FHIT: variants seen among roughly 807,000 people sequenced by gnomAD.
FHIT encodes fragile histidine triad diadenosine triphosphatase, also known as bis(5'-adenosyl)-triphosphatase.
Under a neutral mutation model 17.9 loss-of-function variants are expected in FHIT, and 19 were observed. The observed-to-expected ratio is 1.06, with a 90% CI of 0.74 to 1.56. The LOEUF (loss-of-function observed/expected upper bound fraction) is 1.56, where lower values mean the gene tolerates loss of function less well. FHIT is among the 40% of genes most tolerant of loss of function. FHIT has a pLI of 0.00. For synonymous variants in FHIT, 81 were observed against 69.7 expected (o/e 1.16, Z -0.81); for missense variants, 248 against 189.2 (o/e 1.31, Z -1.82).
rs867072053 is a variant in FHIT, at chr3:60,486,809, C to G, written c.103+50051G>C. Among the ~76,000 whole-genome samples, 4 of 152,126 alleles carry G rather than the reference C, an allele frequency of 2.6e-5. No individual in the cohort carries two copies. In the Middle Eastern group the frequency reaches 0.01, roughly 388 times the overall value. Reference sequence around the variant, plus strand: ...AAACGTGATCTTTGATCCAAAAATTCTTAGTAATGCCACTAAAATTTCTCA... The same window carrying G: ...AAACGTGATCTTTGATCCAAAAATTGTTAGTAATGCCACTAAAATTTCTCA... On this transcript the variant is annotated intron_variant, in intron 5 of 9. Coordinates refer to ENST00000492590, the MANE Select transcript of FHIT (RefSeq NM_002012.4).
chr3:60,445,164 A>G (rs1229658042), intron 5 of FHIT, among the ~76,000 whole-genome samples: 1 of 152,080 alleles, frequency 6.6e-6, no homozygotes, highest in African/African-American at 2.4e-5. Flanking sequence ...AGAGTAAGAC[A>G]GTTTCCCCGG....
At chr3:60,575,093 G>A (rs2037521239) in intron 4 of FHIT, among the ~76,000 whole-genome samples, 1 of 152,116 alleles carries the variant, frequency 6.6e-6, no homozygotes, top group African/African-American at 2.4e-5. Context: ...TTTTCCTTCT[G>A]GCAGGTAAGA....
intron 2 of FHIT, among the ~76,000 whole-genome samples, chr3:61,193,291 T>G (rs913200686): frequency 6.6e-6 from 1 of 152,206 alleles, no homozygotes; most frequent in African/African-American, 2.4e-5. Context: ...TAGTGGACGC[T>G]GGCACCCTGC....
chr3:60,515,729 G>C (rs1364062809), intron 5 of FHIT, among the ~76,000 whole-genome samples: 1 of 152,162 alleles, frequency 6.6e-6, no homozygotes, highest in Non-Finnish European at 1.5e-5. Flanking sequence ...GGACGAGAGA[G>C]AGTTTAAGCA....
At chr3:60,401,369 C>G (rs971028677) in intron 5 of FHIT, among the ~76,000 whole-genome samples, 4 of 152,144 alleles carry the variant, frequency 2.6e-5, no homozygotes, top group African/African-American at 4.8e-5. Context: ...TTCCTGTGTA[C>G]CTGCCAGACT....
chr3:60,453,233 T>A (rs983254834), intron 5 of FHIT, among the ~76,000 whole-genome samples: 1 of 151,978 alleles, frequency 6.6e-6, no homozygotes, highest in African/African-American at 2.4e-5. Context: ...CTATACAACT[T>A]CCACACCTGA....
chr3:60,329,394 G>C (rs1187179545), intron 5 of FHIT, among the ~76,000 whole-genome samples: 1 of 152,230 alleles, frequency 6.6e-6, no homozygotes, highest in African/African-American at 2.4e-5. Flanking sequence ...ACTACTAGAG[G>C]ATTCTAACAA....
At chr3:60,405,134 G>GT (rs1701804553) in intron 5 of FHIT, among the ~76,000 whole-genome samples, 1 of 152,140 alleles carries the variant, frequency 6.6e-6, no homozygotes, top group Non-Finnish European at 1.5e-5. Flanking sequence ...GCCAAAGACA[G>GT]TTTAAAGCCT....
At chr3:60,014,182 G>T in intron 5 of FHIT, 30 bp from the exon 6 acceptor site, 1 of 1,611,470 alleles carries the variant, frequency 6.2e-7, no homozygotes, top group South Asian at 1.1e-5. Context: ...GGCCCATGCT[G>T]CTGGCTTTGG....
chr3:60,447,476 A>G (rs992463670), intron 5 of FHIT, among the ~76,000 whole-genome samples: 1 of 152,170 alleles, frequency 6.6e-6, no homozygotes, highest in Non-Finnish European at 1.5e-5. Flanking sequence ...ATGACAACTC[A>G]TTCTTAGTTC....
chr3:60,292,256 C>CT lies in FHIT; in HGVS notation c.103+244603dup, dbSNP rs1305128661. Among the ~76,000 whole-genome samples, 22 of 152,126 alleles carry CT rather than the reference C, an allele frequency of 1.4e-4. 1 individual carries two copies. The East Asian group carries it at 2.7e-3, about 19-fold the overall frequency. On this transcript the variant is annotated intron_variant, in intron 5 of 9. Transcript: ENST00000492590. ...TTAAAAACCCACTGTGTTAAAAAGT[C>CT]TTTTTTTAAGCAAGGCTGTTGTGAG...
At chr3:60,233,913 G>A (rs767342117) in intron 5 of FHIT, among the ~76,000 whole-genome samples, 4 of 152,078 alleles carry the variant, frequency 2.6e-5, no homozygotes, top group Non-Finnish European at 5.9e-5. Context: ...ATGAGTGTGA[G>A]GCCTCCCCAA....
intron 5 of FHIT, among the ~76,000 whole-genome samples, chr3:60,200,251 C>G (rs1702836494): frequency 6.6e-6 from 1 of 152,156 alleles, no homozygotes; most frequent in Non-Finnish European, 1.5e-5. Context: ...ACCAACAGGA[C>G]TGGGATAATC....
intron 5 of FHIT, among the ~76,000 whole-genome samples, chr3:60,092,455 G>C (rs1703773129): frequency 6.6e-6 from 1 of 152,200 alleles, no homozygotes; most frequent in African/African-American, 2.4e-5. Context: ...GGTAATGTAA[G>C]AGATTTTCAA....
rs147633319 is a variant in FHIT, at chr3:60,425,592, C to A, written c.103+111268G>T. Reference sequence around the variant, plus strand: ...ACCCAAAGGGCCAACAGGGAAGCATCCCTTTTTTCCTTATAGAAAATAGTT... The same window carrying A: ...ACCCAAAGGGCCAACAGGGAAGCATACCTTTTTTCCTTATAGAAAATAGTT... On this transcript the variant is annotated intron_variant, in intron 5 of 9. Coordinates refer to ENST00000492590, the MANE Select transcript of FHIT (RefSeq NM_002012.4). Among the ~76,000 whole-genome samples, 46 of 152,184 alleles carry A rather than the reference C, an allele frequency of 3.0e-4. No homozygotes were observed. In the East Asian group the frequency reaches 8.7e-3, roughly 29 times the overall value.
At position 60,709,219 on chromosome 3, in the gene FHIT, A is replaced by C. The variant is rs1398934384; in HGVS notation, c.-18+112700T>G. 2.6e-5 allele frequency among the ~76,000 whole-genome samples: 4 copies of C among 152,220 alleles called. No individual in the cohort carries two copies. The East Asian group carries it at 7.7e-4, about 29-fold the overall frequency. On this transcript the variant is annotated intron_variant, in intron 4 of 9. Coordinates refer to ENST00000492590, the MANE Select transcript of FHIT (RefSeq NM_002012.4). ...GACAGTAATAACCAATTACATGTAAATATACATATTTTCCCGAAAAAAGAG... is the reference window on the plus strand; with the variant it reads ...GACAGTAATAACCAATTACATGTAACTATACATATTTTCCCGAAAAAAGAG...
intron 5 of FHIT, among the ~76,000 whole-genome samples, chr3:60,435,796 T>C (rs1279846578): frequency 6.6e-6 from 1 of 152,060 alleles, no homozygotes; most frequent in African/African-American, 2.4e-5. Flanking sequence ...CCTGATCGTC[T>C]CCCTCCTCTC....
intron 2 of FHIT, among the ~76,000 whole-genome samples, chr3:61,173,157 A>G (rs1026256293): frequency 1.3e-5 from 2 of 152,214 alleles, no homozygotes; most frequent in African/African-American, 2.4e-5. Flanking sequence ...CAGACCAAAT[A>G]AAATACATGT....
At chr3:60,215,405 A>G (rs213381) in intron 5 of FHIT, among the ~76,000 whole-genome samples, 90,583 of 151,338 alleles carry the variant, frequency 0.6, 27,431 homozygotes, top group East Asian at 0.84. Flanking sequence ...CTTGAACCTG[A>G]GAGGCAGAGG....
Sources: allele counts gnomAD v4.1 joint callset (sites outside exome capture counted in the v4.1 genomes callset), GRCh38; gene constraint gnomAD v4.1.1; transcripts MANE v1.5; gene names NCBI Gene and HGNC (gene_info 2026-07-23, HGNC 2026-07-21).